Variants in DHRS3 observed in about 807,000 individuals in gnomAD.
The protein encoded by DHRS3 is dehydrogenase/reductase 3.
Under a neutral mutation model 27.2 loss-of-function variants are expected in DHRS3, and 14 were observed. The ratio of observed to expected loss-of-function variants is 0.52; its 90% CI spans 0.34 to 0.81. The LOEUF is 0.81. Ranked by LOEUF, DHRS3 falls within the 30% of genes least tolerant of loss-of-function variation. DHRS3 has a pLI of 0.01. For synonymous variants in DHRS3, 165 were observed against 175.9 expected, an observed-to-expected ratio of 0.94 and a Z score of 0.49; for missense variants, 322 against 406.2, an observed-to-expected ratio of 0.79 and a Z score of 1.78.
chr1:12,579,155 A>G (rs1646620657), intron 3 of DHRS3, 138 bp downstream of exon 3: 1 of 1,456,916 alleles, frequency 6.9e-7, no homozygotes, highest in African/African-American at 1.4e-5. Context: ...AGAGCTGGTC[A>G]TTCGTCTTGT....
intron 1 of DHRS3, among the ~76,000 whole-genome samples, chr1:12,604,226 G>C (rs1219498788): frequency 7.2e-5 from 11 of 152,154 alleles, no homozygotes; most frequent in African/African-American, 2.4e-4. Flanking sequence ...AGTGATCAAA[G>C]CTCTCAGGCC....
intron 1 of DHRS3, among the ~76,000 whole-genome samples, chr1:12,612,922 G>A (rs982932241): frequency 4.6e-5 from 7 of 152,082 alleles, no homozygotes; most frequent in Non-Finnish European, 1.0e-4. Context: ...GTTGGGCATG[G>A]TGGCACGCAC....
Position 12,578,496 on chromosome 1 carries a change from T to G in DHRS3, c.698+222A>C, listed in dbSNP as rs942671975. 2.9e-4 allele frequency among the ~76,000 whole-genome samples: 44 copies of G among 152,196 alleles called. No homozygotes were observed. Among genetic ancestry groups the G allele is most frequent in the South Asian group, 4.1e-4 (2 of 4,834 alleles). The stretch of plus-strand genomic sequence containing the variant: ...TGCCCAGCTAATTTTTTATTTTTTT[T>G]AGACACAGGGTTTCTCCATGCTGCC... On this transcript the variant is annotated intron_variant, in intron 4 of 5. Coordinates refer to ENST00000616661, the MANE Select transcript of DHRS3 (RefSeq NM_004753.7). The surrounding 1 kb of genome is among the most constrained non-coding windows in gnomAD (Gnocchi z 4.5).
In DHRS3 at chr1:12,592,975, G is replaced by A. The variant is rs1646759152; in HGVS notation, c.196-12309C>T. Among the ~76,000 whole-genome samples, 1 of 152,200 alleles carries A rather than the reference G, an allele frequency of 6.6e-6. No individual in the cohort carries two copies. Among genetic ancestry groups the A allele is most frequent in the South Asian group, 2.1e-4 (1 of 4,836 alleles). Reference sequence around the variant, plus strand: ...CTCGCCACCTCCACGGCGCCTTGGGGCCCTGCCTCAGCGCCCTTCACCTGG... The same window carrying A: ...CTCGCCACCTCCACGGCGCCTTGGGACCCTGCCTCAGCGCCCTTCACCTGG... On this transcript the variant is annotated intron_variant, in intron 1 of 5. Coordinates refer to ENST00000616661, the MANE Select transcript of DHRS3 (RefSeq NM_004753.7). The surrounding 1 kb of genome is among the most constrained non-coding windows in gnomAD (Gnocchi z 4.2).
chr1:12,612,942 C>T (rs990940659), intron 1 of DHRS3, among the ~76,000 whole-genome samples: 2 of 152,072 alleles, frequency 1.3e-5, no homozygotes, highest in African/African-American at 4.8e-5. Flanking sequence ...CGCCTGTAAT[C>T]CCAGCTACTC....
chr1:12,615,054 G>A (rs1646935594), intron 1 of DHRS3, among the ~76,000 whole-genome samples: 1 of 152,104 alleles, frequency 6.6e-6, no homozygotes, highest in Non-Finnish European at 1.5e-5. Context: ...AACACTCCTG[G>A]CTCTGGGGGT....
intron 1 of DHRS3, among the ~76,000 whole-genome samples, chr1:12,614,317 G>A (rs1324668599): frequency 6.6e-6 from 1 of 152,168 alleles, no homozygotes; most frequent in Non-Finnish European, 1.5e-5. Flanking sequence ...TTCCCTTGGA[G>A]GGAAGGGGAA....
chr1:12,595,542 GGGCGA>G (rs1448911466), intron 1 of DHRS3, among the ~76,000 whole-genome samples: 7 of 149,820 alleles, frequency 4.7e-5, no homozygotes, highest in Non-Finnish European at 3.0e-5. Context: ...GGAGGGGGCG[GGGCGA>G]GGCTGGGGTC....
In DHRS3 at chr1:12,608,995, A is replaced by G. The variant is rs1646889299; in HGVS notation, c.195+8159T>C. Among the ~76,000 whole-genome samples, 1 of 152,242 alleles carries G rather than the reference A, an allele frequency of 6.6e-6. No homozygotes were observed. Among genetic ancestry groups the G allele is most frequent in the African/African-American group, 2.4e-5 (1 of 41,474 alleles). The stretch of plus-strand genomic sequence containing the variant: ...GGGCCCTGTCAAAGTGCTGGCCCAC[A>G]TGGACACAATACCCCAGAAGTCGTT... On this transcript the variant is annotated intron_variant, in intron 1 of 5. Coordinates refer to ENST00000616661, the MANE Select transcript of DHRS3 (RefSeq NM_004753.7). This position sits in a 1 kb window ranked among gnomAD's most constrained non-coding sequence, Gnocchi z 4.1.
Position 12,592,105 on chromosome 1 carries a change from C to A in DHRS3, c.196-11439G>T, listed in dbSNP as rs1646751533. Among the ~76,000 whole-genome samples the A allele has an allele frequency of 6.6e-6, 1 of 152,128 alleles. No homozygotes were observed. Among genetic ancestry groups the A allele is most frequent in the Non-Finnish European group, 1.5e-5 (1 of 68,014 alleles). On this transcript the variant is annotated intron_variant, in intron 1 of 5. Transcript: ENST00000616661. The surrounding 1 kb of genome is among the most constrained non-coding windows in gnomAD (Gnocchi z 4.2). ...ATGGGGTTTGCCTGGAGCACCCTTG[C>A]TCTCCAAGTGGGCGGGGTGGGACTG...
intron 1 of DHRS3, chr1:12,600,328 T>C: frequency 4.1e-6 from 4 of 985,054 alleles, no homozygotes; most frequent in Non-Finnish European, 4.8e-6. Flanking sequence ...GTGTGAGCCC[T>C]CGGAGGGCAC....
intron 1 of DHRS3, among the ~76,000 whole-genome samples, chr1:12,589,768 G>A (rs944599460): frequency 6.6e-6 from 1 of 152,164 alleles, no homozygotes; most frequent in Non-Finnish European, 1.5e-5. Flanking sequence ...GGAATTACTT[G>A]AGGCCAGGAG....
At chr1:12,570,701 T>A (rs1183308871) in intron 5 of DHRS3, among the ~76,000 whole-genome samples, 1 of 152,126 alleles carries the variant, frequency 6.6e-6, no homozygotes, top group Non-Finnish European at 1.5e-5. Flanking sequence ...TCTAAGAAGC[T>A]CCCCTGAGGT....
chr1:12,614,602 C>G (rs1193045751), intron 1 of DHRS3, among the ~76,000 whole-genome samples: 3 of 151,800 alleles, frequency 2.0e-5, no homozygotes, highest in Non-Finnish European at 4.4e-5. Context: ...CTATTTAACT[C>G]AAGGTCATTA....
rs1646757483 is a variant in DHRS3 at position 12,592,830 on chromosome 1, T to C, written c.196-12164A>G. Among the ~76,000 whole-genome samples the C allele has an allele frequency of 6.6e-6, 1 of 152,172 alleles. No individual in the cohort carries two copies. The highest frequency in any genetic ancestry group is 2.1e-4 in the South Asian group (1 of 4,830). ...CACTCCCTGTTTTCAGATGCCAAGC[T>C]CTTTTTAACCTCCGAAGGCTCTTCA... On this transcript the variant is annotated intron_variant, in intron 1 of 5. Coordinates refer to ENST00000616661, the MANE Select transcript of DHRS3 (RefSeq NM_004753.7). This position sits in a 1 kb window ranked among gnomAD's most constrained non-coding sequence, Gnocchi z 4.2.
intron 1 of DHRS3, among the ~76,000 whole-genome samples, chr1:12,587,191 G>A (rs1036061487): frequency 6.1e-5 from 9 of 146,440 alleles, no homozygotes; most frequent in Non-Finnish European, 1.5e-5. Flanking sequence ...TGCCCAGGCC[G>A]GAGTGCAGTG....
At chr1:12,573,406 T>C (rs1322905507) in intron 4 of DHRS3, among the ~76,000 whole-genome samples, 2 of 152,238 alleles carry the variant, frequency 1.3e-5, no homozygotes, top group Non-Finnish European at 2.9e-5. Context: ...ACCTTGCTTT[T>C]TGGGTTGTTT....
chr1:12,592,507 G>A lies in DHRS3; in HGVS notation c.196-11841C>T, dbSNP rs933907968. 3.9e-5 allele frequency among the ~76,000 whole-genome samples: 6 copies of A among 152,188 alleles called. No homozygotes were observed. The highest frequency in any genetic ancestry group is 2.1e-4 in the South Asian group (1 of 4,830). ...CGGCAGTGAGGCGGCCACAAGCCAC[G>A]CGATGCCAGGAGCTGCCAAGAGCCA... On this transcript the variant is annotated intron_variant, in intron 1 of 5. Coordinates refer to ENST00000616661, the MANE Select transcript of DHRS3 (RefSeq NM_004753.7). This position sits in a 1 kb window ranked among gnomAD's most constrained non-coding sequence, Gnocchi z 4.2.
intron 5 of DHRS3, chr1:12,569,948 G>A (rs925646350): frequency 6.6e-6 from 1 of 152,102 alleles, no homozygotes; most frequent in South Asian, 2.1e-4. Context: ...GTTCTTATTC[G>A]GTCTATTTTT....
Sources: allele counts gnomAD v4.1 joint callset (sites outside exome capture counted in the v4.1 genomes callset), GRCh38; gene constraint gnomAD v4.1.1; non-coding constraint Gnocchi (gnomAD v3.1); transcripts MANE v1.5; gene names NCBI Gene and HGNC (gene_info 2026-07-23, HGNC 2026-07-21).